WIPF1: variants seen among roughly 807,000 people sequenced by gnomAD.
The protein encoded by WIPF1 is WAS/WASL-interacting protein family member 1.
A neutral mutation model predicts 35.4 loss-of-function variants in WIPF1; 13 were observed. That is an observed-to-expected ratio of 0.37 (90% CI 0.24 to 0.58). The LOEUF is 0.58. Ranked by LOEUF, WIPF1 falls within the 20% of genes least tolerant of loss-of-function variation. The pLI, the probability that WIPF1 is intolerant of heterozygous loss-of-function variation, is 0.74. For missense variants in WIPF1, 591 were observed against 667.0 expected, an observed-to-expected ratio of 0.89 and a Z score of 1.25; for synonymous variants, 267 against 266.3, an observed-to-expected ratio of 1.00 and a Z score of -0.02.
intron 4 of WIPF1, among the ~76,000 whole-genome samples, chr2:174,574,233 C>T (rs1684974052): frequency 6.6e-6 from 1 of 152,128 alleles, no homozygotes; most frequent in African/African-American, 2.4e-5. Flanking sequence ...GCCTTAATTT[C>T]TTCACCTGTT....
intron 1 of WIPF1, among the ~76,000 whole-genome samples, chr2:174,629,036 T>C (rs1425417773): frequency 6.6e-6 from 1 of 152,226 alleles, no homozygotes. Flanking sequence ...AATTATCCTC[T>C]GGCCTTTTTA....
At chr2:174,678,821 C>T (rs527813577) in intron 1 of WIPF1, among the ~76,000 whole-genome samples, 25 of 152,238 alleles carry the variant, frequency 1.6e-4, no homozygotes, top group Non-Finnish European at 3.2e-4. Flanking sequence ...CCCCTCAATA[C>T]TAAGATTCTT....
intron 1 of WIPF1, among the ~76,000 whole-genome samples, chr2:174,613,479 C>T (rs934541784): frequency 6.6e-6 from 1 of 152,204 alleles, no homozygotes; most frequent in Non-Finnish European, 1.5e-5. Flanking sequence ...ATCTCCTTTC[C>T]ACCTGGCTCT....
intron 3 of WIPF1, among the ~76,000 whole-genome samples, chr2:174,576,103 C>A (rs1357271563): frequency 1.3e-5 from 2 of 151,510 alleles, no homozygotes; most frequent in Non-Finnish European, 2.9e-5. Flanking sequence ...AAATAAACAA[C>A]AACAACAAAA....
chr2:174,598,322 T>TC (rs1032737400), upstream of WIPF1: 1 of 151,152 alleles, frequency 6.6e-6, no homozygotes, highest in African/African-American at 2.4e-5. Flanking sequence ...TATTTATTTC[T>TC]TTTTTTTTAG....
intron 1 of WIPF1, among the ~76,000 whole-genome samples, chr2:174,634,101 C>T (rs1475650673): frequency 1.3e-5 from 2 of 152,154 alleles, no homozygotes; most frequent in Non-Finnish European, 2.9e-5. Context: ...CTCGCAAGCA[C>T]GTTTTTATGC....
At chr2:174,574,613 A>G (rs1367598036) in intron 4 of WIPF1, 2 of 398,762 alleles carry the variant, frequency 5.0e-6, no homozygotes. Context: ...CTAGGCATTC[A>G]TGAGCAAGTT....
intron 1 of WIPF1, among the ~76,000 whole-genome samples, chr2:174,607,226 AC>A (rs1271914204): frequency 1.3e-5 from 2 of 151,878 alleles, no homozygotes; most frequent in Non-Finnish European, 2.9e-5. Context: ...ACACGGTGAA[AC>A]CCCGTCTCTA....
intron 1 of WIPF1, among the ~76,000 whole-genome samples, chr2:174,671,038 G>A (rs1688007305): frequency 6.6e-6 from 1 of 152,228 alleles, no homozygotes; most frequent in Non-Finnish European, 1.5e-5. Context: ...TATCTGAAGT[G>A]CTCCTTAAAA....
intron 7 of WIPF1, among the ~76,000 whole-genome samples, chr2:174,564,305 G>A (rs1347685516): frequency 6.6e-6 from 1 of 152,118 alleles, no homozygotes; most frequent in African/African-American, 2.4e-5. Flanking sequence ...GGTAGACTGT[G>A]GAAATTAATT....
Position 174,560,781 on chromosome 2 carries a change from A to G in WIPF1, c.*1766T>C, listed in dbSNP as rs1232265578. On this transcript the variant is annotated 3_prime_UTR_variant, in exon 8 of 8. Coordinates refer to ENST00000679041, the MANE Select transcript of WIPF1 (RefSeq NM_001375834.1). The stretch of plus-strand genomic sequence containing the variant: ...ATATATTCAAATCAGTAACTTCATA[A>G]TTTATTAGACATCCCATTTATTAGA... The G allele has an allele frequency of 6.6e-6, 1 of 152,594 alleles. No homozygotes were observed. Among genetic ancestry groups the G allele is most frequent in the African/African-American group, 2.4e-5 (1 of 41,450 alleles). The allele number at this position is 152,594 out of a possible 1,614,324, so 9.5% of individuals were successfully genotyped here. A position where few individuals can be genotyped will look rare whatever the true frequency, so the allele number is the denominator to read the frequency against.
In WIPF1 at chr2:174,594,720, C is replaced by A. The variant is rs547352004; in HGVS notation, c.-39+2881G>T. Among the ~76,000 whole-genome samples, 3 of 129,076 alleles carry A rather than the reference C, an allele frequency of 2.3e-5. 1 individual carries two copies. Among genetic ancestry groups the A allele is most frequent in the East Asian group, 2.0e-4 (1 of 4,982 alleles). 84.7% of individuals were successfully genotyped at this position (129,076 alleles called of 152,430 possible). On this transcript the variant is annotated intron_variant, in intron 1 of 7. Transcript: ENST00000679041. ...TCTCTCTCTCTCTCACACACACATA[C>A]ACACACAGCATATATGTCAGCACAC...
At chr2:174,585,384 A>G in intron 2 of WIPF1, 139 bp downstream of exon 2, 1 of 867,622 alleles carries the variant, frequency 1.2e-6, no homozygotes, top group Non-Finnish European at 1.9e-6. Context: ...GATTTGGCTT[A>G]CCCTGGGCAC....
At chr2:174,578,114 A>T (rs1333547068) in intron 3 of WIPF1, among the ~76,000 whole-genome samples, 2 of 152,178 alleles carry the variant, frequency 1.3e-5, no homozygotes, top group Non-Finnish European at 2.9e-5. Context: ...TGTTCTTTAC[A>T]GAATGTTTAC....
Position 174,560,651 on chromosome 2 carries a change from G to A in WIPF1, c.*1896C>T, listed in dbSNP as rs1684461808. On this transcript the variant is annotated 3_prime_UTR_variant, in exon 8 of 8. Coordinates refer to ENST00000679041, the MANE Select transcript of WIPF1 (RefSeq NM_001375834.1). ...TTTCTTGATTCTCTTTGAGTAAAAAGCCCAAATGACTGTATGGAAGAGAGA... is the reference window on the plus strand; with the variant it reads ...TTTCTTGATTCTCTTTGAGTAAAAAACCCAAATGACTGTATGGAAGAGAGA... 6.6e-6 allele frequency: 1 copy of A among 152,510 alleles called. No homozygotes were observed. The highest frequency in any genetic ancestry group is 6.6e-5 in the Admixed American group (1 of 15,264). The allele number at this position is 152,510 out of a possible 1,614,324, so 9.4% of individuals were successfully genotyped here.
chr2:174,564,782 G>A (rs1318974206), intron 7 of WIPF1, among the ~76,000 whole-genome samples: 6 of 150,110 alleles, frequency 4.0e-5, no homozygotes, highest in Non-Finnish European at 7.4e-5. Flanking sequence ...AAGAAGGGCT[G>A]TACTCTTATC....
At chr2:174,641,324 G>T (rs557975481) in intron 1 of WIPF1, among the ~76,000 whole-genome samples, 52 of 152,280 alleles carry the variant, frequency 3.4e-4, no homozygotes, top group African/African-American at 1.2e-3. Flanking sequence ...TGATGCTGAG[G>T]GGTTGCAAGA....
rs938241940 is a variant in WIPF1, at chr2:174,568,086, A to C, written c.1130-13T>G. On this transcript the variant is annotated splice_polypyrimidine_tract_variant and intron_variant, in intron 5 of 7. Coordinates refer to ENST00000679041, the MANE Select transcript of WIPF1 (RefSeq NM_001375834.1). ...GGTGGGAGGGGGCCTGGAGCAAAAA[A>C]AGACACTTAGTGCAGAACCTTACAT... 1 of 1,607,826 alleles carries C rather than the reference A, an allele frequency of 6.2e-7. No individual in the cohort carries two copies. The highest frequency in any genetic ancestry group is 1.3e-5 in the African/African-American group (1 of 74,818).
intron 1 of WIPF1, among the ~76,000 whole-genome samples, chr2:174,682,449 G>A (rs1688273507): frequency 6.6e-6 from 1 of 152,176 alleles, no homozygotes; most frequent in Admixed American, 6.5e-5. Flanking sequence ...GAGCCCCACG[G>A]GGCGGCCCCG....
Sources: allele counts gnomAD v4.1 joint callset (sites outside exome capture counted in the v4.1 genomes callset), GRCh38; gene constraint gnomAD v4.1.1; transcripts MANE v1.5; gene names NCBI Gene and HGNC (gene_info 2026-07-23, HGNC 2026-07-21).